The following TENM3 variants were observed in gnomAD, a reference collection of about 807,000 sequenced individuals.
TENM3 encodes the protein teneurin-3.
TENM3 carries 63 observed loss-of-function variants against 255.1 expected under a neutral mutation model. That is an observed-to-expected ratio of 0.25 (90% CI 0.20 to 0.30). The LOEUF (loss-of-function observed/expected upper bound fraction) is 0.30. Ranked by LOEUF, TENM3 falls within the 10% of genes least tolerant of loss-of-function variation. TENM3 has a pLI of 1.00. For synonymous variants in TENM3, 1,306 were observed against 1,322.3 expected (o/e 0.99, Z 0.27); for missense variants, 2,929 against 3,461.1 (o/e 0.85, Z 3.86).
At chr4:182,451,165 TA>T (rs1773424289) in intron 3 of TENM3, among the ~76,000 whole-genome samples, 1 of 152,280 alleles carries the variant, frequency 6.6e-6, no homozygotes, top group South Asian at 2.1e-4. Context: ...CCCTCTTTTA[TA>T]AAAAAATATT....
chr4:182,376,470 G>A (rs1195150597), intron 3 of TENM3, among the ~76,000 whole-genome samples: 1 of 152,086 alleles, frequency 6.6e-6, no homozygotes, highest in Non-Finnish European at 1.5e-5. Context: ...TATATTTAAA[G>A]ATATTCATTC....
At chr4:181,760,779 C>A in the TENM3 span, among the ~76,000 whole-genome samples, 1 of 149,134 alleles carries the variant, frequency 6.7e-6, no homozygotes, top group Non-Finnish European at 1.5e-5. Flanking sequence ...GTTGATGATT[C>A]TCTCCTCTTC....
intron 3 of TENM3, among the ~76,000 whole-genome samples, chr4:182,475,488 A>G (rs1440566630): frequency 2.6e-5 from 4 of 152,126 alleles, no homozygotes; most frequent in Non-Finnish European, 4.4e-5. Flanking sequence ...TGAACAAATC[A>G]TATCATTGAT....
the TENM3 span, among the ~76,000 whole-genome samples, chr4:182,021,409 C>T: frequency 6.6e-6 from 1 of 152,176 alleles, no homozygotes; most frequent in African/African-American, 2.4e-5. Flanking sequence ...TGGGCCTTTG[C>T]GTATCCTTCC....
intron 1 of TENM3, among the ~76,000 whole-genome samples, chr4:182,302,548 C>CTT (rs141412808): frequency 2.0e-5 from 3 of 149,336 alleles, no homozygotes; most frequent in Admixed American, 6.7e-5. Context: ...AACTAAATGT[C>CTT]TTTTTTTTTT....
At chr4:182,622,026 G>C (rs1242208624) in intron 4 of TENM3, among the ~76,000 whole-genome samples, 3 of 151,342 alleles carry the variant, frequency 2.0e-5, no homozygotes, top group Non-Finnish European at 4.4e-5. Flanking sequence ...TTACATCTTT[G>C]TTTTGAGCAA....
At chr4:182,717,428 G>A (rs1321979787) in intron 13 of TENM3, among the ~76,000 whole-genome samples, 1 of 152,142 alleles carries the variant, frequency 6.6e-6, no homozygotes. Context: ...TGTACGCTGG[G>A]TAACTGTAGC....
Position 182,448,856 on chromosome 4 carries a change from G to C in TENM3, c.511+101927G>C, listed in dbSNP as rs907434947. 3.9e-5 allele frequency: 7 copies of C among 181,066 alleles called. No individual in the cohort carries two copies. In the South Asian group the frequency reaches 7.6e-4, roughly 20 times the overall value. The allele number at this position is 181,066 out of a possible 1,614,324, so 11.2% of individuals were successfully genotyped here. ...GCGGCCGAGCCGGGGCGCTGGGCGC[G>C]GGGCTGGCGGGAGGCGGCGGTGGCG... is the stretch of plus-strand genomic sequence containing the variant. On this transcript the variant is annotated intron_variant, in intron 3 of 27. Transcript: ENST00000511685.
At chr4:182,066,669 C>T in the TENM3 span, among the ~76,000 whole-genome samples, 2 of 150,938 alleles carry the variant, frequency 1.3e-5, no homozygotes, top group Non-Finnish European at 2.9e-5. Flanking sequence ...CCAGCACTTT[C>T]GGAGGCCAAG....
At chr4:182,790,226 G>C (rs1765992607) in intron 25 of TENM3, among the ~76,000 whole-genome samples, 1 of 152,084 alleles carries the variant, frequency 6.6e-6, no homozygotes, top group South Asian at 2.1e-4. Context: ...GTAGCTCTCA[G>C]ACCCCAGAGC....
intron 3 of TENM3, among the ~76,000 whole-genome samples, chr4:182,515,287 G>C (rs940892727): frequency 6.6e-6 from 1 of 152,152 alleles, no homozygotes; most frequent in Non-Finnish European, 1.5e-5. Context: ...AAAAATCCAA[G>C]TGAAAACTTT....
upstream of TENM3, among the ~76,000 whole-genome samples, chr4:182,242,227 G>A (rs189814863): frequency 7.8e-4 from 118 of 151,948 alleles, no homozygotes; most frequent in African/African-American, 2.7e-3. Flanking sequence ...CCCCATGACA[G>A]GCCCCGGTGT....
the TENM3 span, among the ~76,000 whole-genome samples, chr4:181,954,714 A>C: frequency 6.6e-6 from 1 of 152,146 alleles, no homozygotes; most frequent in Non-Finnish European, 1.5e-5. Flanking sequence ...AACGAATGTC[A>C]ATTTTGATAA....
chr4:181,564,305 A>C, the TENM3 span, among the ~76,000 whole-genome samples: 1 of 152,270 alleles, frequency 6.6e-6, no homozygotes, highest in Non-Finnish European at 1.5e-5. Context: ...CGACACACAT[A>C]TTCAGTGGTT....
chr4:182,112,984 A>G, the TENM3 span, among the ~76,000 whole-genome samples: 3 of 152,348 alleles, frequency 2.0e-5, no homozygotes, highest in South Asian at 6.2e-4. Context: ...TAATGTTATT[A>G]AACAGAGTCT....
chr4:182,795,553 G>A (rs1433032497), intron 26 of TENM3, among the ~76,000 whole-genome samples: 3 of 152,180 alleles, frequency 2.0e-5, no homozygotes, highest in East Asian at 1.9e-4. Context: ...ATGCCTGGAC[G>A]AATGACCTGC....
At chr4:182,453,992 G>T (rs1295805679) in intron 3 of TENM3, among the ~76,000 whole-genome samples, 1 of 152,176 alleles carries the variant, frequency 6.6e-6, no homozygotes, top group Non-Finnish European at 1.5e-5. Context: ...CAATTCCTGT[G>T]ATAGTAGGGG....
At chr4:182,582,368 C>T (rs1745568918) in intron 3 of TENM3, among the ~76,000 whole-genome samples, 1 of 152,130 alleles carries the variant, frequency 6.6e-6, no homozygotes, top group Admixed American at 6.5e-5. Flanking sequence ...TTTCTCTGTA[C>T]ATTTTTTCCC....
the TENM3 span, among the ~76,000 whole-genome samples, chr4:181,726,286 C>T: frequency 6.6e-6 from 1 of 151,990 alleles, no homozygotes; most frequent in Non-Finnish European, 1.5e-5. Context: ...AGAAGAACAC[C>T]AATTTTCTTT....
Sources: allele counts gnomAD v4.1 joint callset (sites outside exome capture counted in the v4.1 genomes callset), GRCh38; gene constraint gnomAD v4.1.1; transcripts MANE v1.5; gene names NCBI Gene and HGNC (gene_info 2026-07-23, HGNC 2026-07-21).